ABI3BP: variants seen among roughly 807,000 people sequenced by gnomAD.
The protein encoded by ABI3BP is ABI family member 3 binding protein, also known as target of Nesh-SH3.
A neutral mutation model predicts 268.6 loss-of-function variants in ABI3BP; 216 were observed. The ratio of observed to expected loss-of-function variants is 0.80; its 90% CI spans 0.72 to 0.90. The LOEUF (loss-of-function observed/expected upper bound fraction) is 0.90. ABI3BP is among the 40% of genes least tolerant of loss of function. The pLI is 0.00. For missense variants in ABI3BP, 2,090 were observed against 2,182.4 expected (o/e 0.96, Z 0.84); for synonymous variants, 730 against 730.0 (o/e 1.00, Z 0.00).
At chr3:100,841,910 A>AC in intron 21 of ABI3BP, 88 bp downstream of exon 21, 1 of 1,185,658 alleles carries the variant, frequency 8.4e-7, no homozygotes, top group Non-Finnish European at 1.2e-6. Context: ...AGAAAAAAAA[A>AC]AAAAAACAAA....
At chr3:100,955,331 T>A (rs2076449474) in intron 1 of ABI3BP, among the ~76,000 whole-genome samples, 1 of 152,184 alleles carries the variant, frequency 6.6e-6, no homozygotes, top group Non-Finnish European at 1.5e-5. Context: ...GGTGGACTTT[T>A]TAACAAGTGA....
intron 3 of ABI3BP, among the ~76,000 whole-genome samples, chr3:100,901,895 G>C (rs1455246149): frequency 6.6e-6 from 1 of 152,168 alleles, no homozygotes; most frequent in Non-Finnish European, 1.5e-5. Context: ...TATATTATTT[G>C]ATCTGAGAAG....
chr3:100,863,762 G>C (rs997530911), intron 12 of ABI3BP: 2 of 469,598 alleles, frequency 4.3e-6, no homozygotes, highest in Non-Finnish European at 7.6e-6. Context: ...TTTGTTCAGT[G>C]ACATATTGAT....
chr3:100,968,730 C>A (rs990783588), intron 1 of ABI3BP, among the ~76,000 whole-genome samples: 1 of 151,908 alleles, frequency 6.6e-6, no homozygotes, highest in Non-Finnish European at 1.5e-5. Flanking sequence ...GGGATATGTG[C>A]GCAGAACGTG....
chr3:100,751,528 TATG>T (rs1559772780), intron 67 of ABI3BP, 21 bp downstream of exon 67: 2 of 1,564,398 alleles, frequency 1.3e-6, no homozygotes, highest in African/African-American at 1.4e-5. Flanking sequence ...ACTCTGTTCT[TATG>T]AGGAGGATCA....
chr3:100,858,547 C>T (rs1005863408), intron 14 of ABI3BP, among the ~76,000 whole-genome samples: 2 of 152,138 alleles, frequency 1.3e-5, no homozygotes, highest in Admixed American at 1.3e-4. Context: ...TTTTTGAGTA[C>T]ACATATTCTG....
At chr3:100,976,824 T>C (rs2086452889) in intron 1 of ABI3BP, among the ~76,000 whole-genome samples, 1 of 152,166 alleles carries the variant, frequency 6.6e-6, no homozygotes, top group Non-Finnish European at 1.5e-5. Context: ...CTTTAAGCTA[T>C]CTTGGGCACA....
intron 56 of ABI3BP, 107 bp from the exon 57 acceptor site, chr3:100,787,909 T>C (rs942102999): frequency 5.9e-6 from 4 of 678,940 alleles, no homozygotes; most frequent in Admixed American, 3.6e-5. Context: ...ATAAAAAAGA[T>C]GACTTACCAA....
chr3:100,884,282 G>A (rs534765344), intron 6 of ABI3BP, among the ~76,000 whole-genome samples: 35 of 151,478 alleles, frequency 2.3e-4, no homozygotes, highest in Non-Finnish European at 4.4e-4. Context: ...AAAAAAAAGA[G>A]AGCGAGAAAA....
At chr3:100,811,869 T>G in intron 46 of ABI3BP, 70 bp from the exon 47 acceptor site, 1 of 1,096,902 alleles carries the variant, frequency 9.1e-7, no homozygotes, top group Non-Finnish European at 1.3e-6. Flanking sequence ...AACCCTGCAT[T>G]TAATTTAAAA....
intron 47 of ABI3BP, among the ~76,000 whole-genome samples, 157 bp downstream of exon 47, chr3:100,811,571 C>T (rs1194611773): frequency 6.6e-6 from 1 of 152,118 alleles, no homozygotes; most frequent in African/African-American, 2.4e-5. Context: ...TCAATTATCA[C>T]TTTAAGAATT....
At chr3:100,841,293 A>G (rs1253742402) in intron 21 of ABI3BP, among the ~76,000 whole-genome samples, 1 of 128,318 alleles carries the variant, frequency 7.8e-6, no homozygotes, top group African/African-American at 2.9e-5. Flanking sequence ...CTTTGAGTGG[A>G]TTTCCTAGTC....
intron 4 of ABI3BP, among the ~76,000 whole-genome samples, chr3:100,895,919 T>A (rs1426614011): frequency 6.6e-6 from 1 of 152,214 alleles, no homozygotes; most frequent in Non-Finnish European, 1.5e-5. Context: ...GGCTATTATT[T>A]TTTTCCTCAA....
chr3:100,912,128 A>G, intron 2 of ABI3BP: 1 of 537,200 alleles, frequency 1.9e-6, no homozygotes, highest in Non-Finnish European at 3.4e-6. Context: ...GGGTTGTGTA[A>G]GGCAAGCTGG....
intron 2 of ABI3BP, among the ~76,000 whole-genome samples, chr3:100,908,115 T>TAA (rs370167303): frequency 8.5e-6 from 1 of 118,262 alleles, no homozygotes. Flanking sequence ...AGACTCTGTC[T>TAA]AAAAAAAAAA....
At chr3:100,913,449 C>A (rs1280784586) in intron 2 of ABI3BP, among the ~76,000 whole-genome samples, 1 of 152,170 alleles carries the variant, frequency 6.6e-6, no homozygotes, top group Non-Finnish European at 1.5e-5. Flanking sequence ...TCAAGAACAT[C>A]ACTAACATTC....
At chr3:100,757,332 T>TA (rs1444722505) in intron 63 of ABI3BP, among the ~76,000 whole-genome samples, 3 of 151,958 alleles carry the variant, frequency 2.0e-5, no homozygotes, top group Non-Finnish European at 4.4e-5. Flanking sequence ...GAAAAAGGAC[T>TA]AAAACATGAG....
At chr3:100,798,723 TGA>T (rs1491081222) in intron 51 of ABI3BP, among the ~76,000 whole-genome samples, 1 of 147,650 alleles carries the variant, frequency 6.8e-6, no homozygotes, top group Non-Finnish European at 1.5e-5. Context: ...ATGAATGTTT[TGA>T]TAGAGTTAGA....
intron 2 of ABI3BP, among the ~76,000 whole-genome samples, chr3:100,925,299 T>C (rs1350334559): frequency 1.3e-5 from 2 of 152,188 alleles, no homozygotes; most frequent in Non-Finnish European, 2.9e-5. Flanking sequence ...CTGAAACTTA[T>C]AGGAAAGCTC....
Sources: gnomAD v4.1 joint callset for allele counts (sites outside exome capture counted in the v4.1 genomes callset) on GRCh38, gnomAD v4.1.1 for gene constraint, MANE v1.5 for transcripts, NCBI Gene and HGNC (gene_info 2026-07-23, HGNC 2026-07-21) for gene names.